ALKBH8: variants seen among roughly 807,000 people sequenced by gnomAD.
ALKBH8 encodes alkB homolog 8, tRNA methyltransferase.
Under a neutral mutation model 59.8 loss-of-function variants are expected in ALKBH8, and 36 were observed. The observed-to-expected ratio is 0.60, with a 90% CI of 0.46 to 0.79. The LOEUF is 0.79. Among genes scored for constraint, ALKBH8 ranks in the 30% least tolerant of loss-of-function variants. The pLI, the probability that ALKBH8 is intolerant of heterozygous loss-of-function variation, is 0.00. For synonymous variants in ALKBH8, 276 were observed against 273.6 expected, an observed-to-expected ratio of 1.01 and a Z score of -0.09; for missense variants, 768 against 801.0, an observed-to-expected ratio of 0.96 and a Z score of 0.50.
In ALKBH8 at chr11:107,552,972, ATTAAAGTGTT is replaced by A. The variant is rs1306533292; in HGVS notation, c.595+126_595+135del. 7.0e-6 allele frequency: 4 copies of A among 573,640 alleles called. No individual in the cohort carries two copies. The Admixed American group carries it at 1.5e-4, about 21-fold the overall frequency. 35.5% of individuals were successfully genotyped at this position (573,640 alleles called of 1,614,324 possible). ...ACAACAAAACTATACAATTTATCTAATTAAAGTGTTTTAAATAAACTGTTCAGAAAGTTTA... is the reference window on the plus strand; with the variant it reads ...ACAACAAAACTATACAATTTATCTAATTAAATAAACTGTTCAGAAAGTTTA... On this transcript the variant is annotated intron_variant, in intron 5 of 11. Coordinates refer to ENST00000428149, the MANE Select transcript of ALKBH8 (RefSeq NM_138775.3).
intron 7 of ALKBH8, among the ~76,000 whole-genome samples, chr11:107,533,156 C>T (rs959038241): frequency 2.6e-5 from 4 of 151,982 alleles, no homozygotes; most frequent in Non-Finnish European, 4.4e-5. Flanking sequence ...CCTAGGAACC[C>T]ATCAAAAACC....
At chr11:107,541,854 A>G (rs1044903222) in intron 7 of ALKBH8, among the ~76,000 whole-genome samples, 1 of 152,222 alleles carries the variant, frequency 6.6e-6, no homozygotes. Flanking sequence ...GTTTAAAGAT[A>G]TAAATGCTAA....
chr11:107,522,655 G>T, intron 9 of ALKBH8, 100 bp from the exon 10 acceptor site: 1 of 1,318,550 alleles, frequency 7.6e-7, no homozygotes. Flanking sequence ...CAAATTTGGT[G>T]GGTAGACAGA....
At chr11:107,555,884 T>G (rs561003474) in intron 3 of ALKBH8, among the ~76,000 whole-genome samples, 51 of 152,348 alleles carry the variant, frequency 3.3e-4, no homozygotes, top group African/African-American at 1.2e-3. Flanking sequence ...ATTAAATTAT[T>G]CAGTTCCTCA....
At chr11:107,537,522 T>C (rs1863868014) in intron 7 of ALKBH8, among the ~76,000 whole-genome samples, 1 of 151,762 alleles carries the variant, frequency 6.6e-6, no homozygotes, top group African/African-American at 2.4e-5. Context: ...CATGGACACA[T>C]TGAGGGGGAA....
chr11:107,505,519 C>T (rs752636384), intron 11 of ALKBH8, among the ~76,000 whole-genome samples: 16 of 152,172 alleles, frequency 1.1e-4, no homozygotes, highest in Non-Finnish European at 1.6e-4. Context: ...GGGCTATAAG[C>T]GGTAATATGA....
intron 7 of ALKBH8, among the ~76,000 whole-genome samples, chr11:107,544,502 T>C (rs1002900056): frequency 3.9e-5 from 6 of 152,118 alleles, no homozygotes; most frequent in African/African-American, 1.4e-4. Context: ...AGAAGAATCT[T>C]CAGAACTTAA....
At chr11:107,521,560 G>C (rs1016498416) in intron 10 of ALKBH8, among the ~76,000 whole-genome samples, 7 of 151,960 alleles carry the variant, frequency 4.6e-5, no homozygotes, top group African/African-American at 1.7e-4. Context: ...CTAATCTAGA[G>C]AAACGGAAGC....
At chr11:107,517,927 G>A (rs971699327) in intron 10 of ALKBH8, among the ~76,000 whole-genome samples, 1 of 152,074 alleles carries the variant, frequency 6.6e-6, no homozygotes, top group Non-Finnish European at 1.5e-5. Context: ...CCCACAAAAC[G>A]GTAACTTTGT....
In ALKBH8 at chr11:107,565,642, T is replaced by C. The variant is rs759822409; in HGVS notation, c.-48A>G. 4 of 1,535,666 alleles carry C rather than the reference T, an allele frequency of 2.6e-6. No homozygotes were observed. Among genetic ancestry groups the C allele is most frequent in the Non-Finnish European group, 2.6e-6 (3 of 1,146,898 alleles). On this transcript the variant is annotated 5_prime_UTR_variant, in exon 1 of 12. Coordinates refer to ENST00000428149, the MANE Select transcript of ALKBH8 (RefSeq NM_138775.3). ...GCCGGATTCTCACCATGCGTGTGCCTTCTTCTTTGCCAGCCTCTCCACTCT... is the reference window on the plus strand; with the variant it reads ...GCCGGATTCTCACCATGCGTGTGCCCTCTTCTTTGCCAGCCTCTCCACTCT...
chr11:107,523,530 T>G (rs1212579437), intron 9 of ALKBH8, among the ~76,000 whole-genome samples: 5 of 151,780 alleles, frequency 3.3e-5, no homozygotes, highest in Non-Finnish European at 5.9e-5. Flanking sequence ...GTCCCAGGGA[T>G]CTAGTGTAAA....
chr11:107,543,714 A>AC (rs1261267536), intron 7 of ALKBH8, among the ~76,000 whole-genome samples: 2 of 152,084 alleles, frequency 1.3e-5, no homozygotes, highest in Non-Finnish European at 2.9e-5. Context: ...AAAAGATAGC[A>AC]TTTTTCTATA....
At position 107,505,152 on chromosome 11, in the gene ALKBH8, T is replaced by G. The variant is rs1862327674; in HGVS notation, c.1501A>C (p.Ile501Leu). 1 of 1,551,210 alleles carries G rather than the reference T, an allele frequency of 6.4e-7. No individual in the cohort carries two copies. Among genetic ancestry groups the G allele is most frequent in the Admixed American group, 2.0e-5 (1 of 50,970 alleles). Residue 501 changes from isoleucine to leucine, a missense_variant, in exon 12 of 12, where the codon ATT becomes CTT. Physicochemically the swap from Ile to Leu is conservative, Grantham distance 5. Coordinates refer to ENST00000428149, the MANE Select transcript of ALKBH8 (RefSeq NM_138775.3). Reference protein sequence around the residue: ...RLLRPGGKALIYVWAMEQEYN... With the variant: ...RLLRPGGKALLYVWAMEQEYN... ...TCTTGTTCCATTGCCCAGACATAAATGAGTGCCTTCCCACCTGGTCTCAGG... is the reference window on the plus strand; with the variant it reads ...TCTTGTTCCATTGCCCAGACATAAAGGAGTGCCTTCCCACCTGGTCTCAGG...
chr11:107,560,660 A>C, intron 2 of ALKBH8, 105 bp downstream of exon 2: 1 of 1,126,794 alleles, frequency 8.9e-7, no homozygotes, highest in Non-Finnish European at 1.2e-6. Context: ...GATGTAACAC[A>C]TGACTGAACA....
chr11:107,511,747 T>G (rs1384897001), intron 10 of ALKBH8, among the ~76,000 whole-genome samples: 1 of 152,044 alleles, frequency 6.6e-6, no homozygotes, highest in East Asian at 1.9e-4. Context: ...TGGCTAATTT[T>G]TAATTTTTAT....
At position 107,504,421 on chromosome 11, in the gene ALKBH8, C is replaced by A; in HGVS notation, c.*237G>T. The stretch of plus-strand genomic sequence containing the variant: ...CAAACACTGCACAAACTGCTTCAAT[C>A]ACTTTTAGAAACCACCTCTCCTAGG... On this transcript the variant is annotated 3_prime_UTR_variant, in exon 12 of 12. Transcript: ENST00000428149. 1.6e-6 allele frequency: 1 copy of A among 638,872 alleles called. No homozygotes were observed. Among genetic ancestry groups the A allele is most frequent in the South Asian group, 1.8e-5 (1 of 54,922 alleles). 39.6% of individuals were successfully genotyped at this position (638,872 alleles called of 1,614,324 possible).
At position 107,525,491 on chromosome 11, in the gene ALKBH8, A is replaced by C. The variant is rs1403319333; in HGVS notation, c.980T>G (p.Leu327Arg). Residue 327 changes from leucine (L) to arginine (R), a missense_variant, in exon 9 of 12, where the codon CTA becomes CGA. Leu to Arg is a moderately radical substitution (Grantham distance 102). Coordinates refer to ENST00000428149, the MANE Select transcript of ALKBH8 (RefSeq NM_138775.3). ...VGDLTLSKRG[L>R]RTSFTFRKVR... is the part of the protein sequence containing the mutation. ...TTTCCTAAATGTAAATGATGTTCGTAGTCCCCTCTTGCTTAAAGTTAAGTC... is the reference window on the plus strand; with the variant it reads ...TTTCCTAAATGTAAATGATGTTCGTCGTCCCCTCTTGCTTAAAGTTAAGTC... The C allele has an allele frequency of 1.3e-6, 2 of 1,544,942 alleles. No homozygotes were observed.
rs1348396270 is a variant in ALKBH8, at chr11:107,547,156, A to ATAG, written c.771+2596_771+2597insCTA. Among the ~76,000 whole-genome samples, 16 of 152,378 alleles carry ATAG rather than the reference A, an allele frequency of 1.1e-4. 1 individual carries two copies. In the South Asian group the frequency reaches 3.3e-3, roughly 32 times the overall value. The stretch of plus-strand genomic sequence containing the variant: ...GACAAAATTATTACAATGAAATGGA[A>ATAG]GCTGCCATAGGCATTACAGGAAAGT... On this transcript the variant is annotated intron_variant, in intron 7 of 11. Transcript: ENST00000428149.
At chr11:107,539,507 G>A (rs1461529361) in intron 7 of ALKBH8, among the ~76,000 whole-genome samples, 2 of 152,046 alleles carry the variant, frequency 1.3e-5, no homozygotes, top group Non-Finnish European at 2.9e-5. Context: ...GCTGAGGCAA[G>A]AGAATCACTT....
Sources: allele counts gnomAD v4.1 joint callset (sites outside exome capture counted in the v4.1 genomes callset), GRCh38; gene constraint gnomAD v4.1.1; transcripts MANE v1.5; gene names NCBI Gene and HGNC (gene_info 2026-07-23, HGNC 2026-07-21).